Variants in EDN1 observed in about 807,000 individuals in gnomAD.
The protein encoded by EDN1 is endothelin-1.
Under a neutral mutation model 21.7 loss-of-function variants are expected in EDN1, and 11 were observed. That is an observed-to-expected ratio of 0.51 (90% CI 0.32 to 0.84). EDN1 has a LOEUF of 0.84. Among genes scored for constraint, EDN1 ranks in the 40% least tolerant of loss-of-function variants. The probability of loss-of-function intolerance (pLI) is 0.03; values close to 1 mark genes in which losing one functional copy is unlikely to be tolerated. For missense variants in EDN1, 244 were observed against 262.3 expected, an observed-to-expected ratio of 0.93 and a Z score of 0.48; for synonymous variants, 85 against 90.6, an observed-to-expected ratio of 0.94 and a Z score of 0.35.
chr6:12,251,511 C>A, the EDN1 span, among the ~76,000 whole-genome samples: 1 of 152,172 alleles, frequency 6.6e-6, no homozygotes, highest in East Asian at 1.9e-4. Flanking sequence ...GATAGAAGTG[C>A]ATTTTATATT....
chr6:12,295,271 T>C (rs1424125558), intron 4 of EDN1, among the ~76,000 whole-genome samples: 3 of 152,156 alleles, frequency 2.0e-5, no homozygotes, highest in African/African-American at 4.8e-5. Context: ...TTCTGAGTTA[T>C]TTACTACTGA....
At chr6:12,274,275 A>G in the EDN1 span, among the ~76,000 whole-genome samples, 6 of 152,224 alleles carry the variant, frequency 3.9e-5, no homozygotes. Context: ...TAAGGCAATT[A>G]GCAACTTAAG....
chr6:12,295,190 C>G (rs141949951), intron 4 of EDN1, among the ~76,000 whole-genome samples: 2 of 152,146 alleles, frequency 1.3e-5, no homozygotes, highest in Admixed American at 1.3e-4. Flanking sequence ...GGAAACTTCT[C>G]TTAGAAATCC....
At chr6:12,286,086 T>C (rs1391787409), upstream of EDN1, among the ~76,000 whole-genome samples, 2 of 152,146 alleles carry the variant, frequency 1.3e-5, no homozygotes, top group Non-Finnish European at 2.9e-5. Flanking sequence ...AAAAGGAAAA[T>C]ATTAAGTAAA....
chr6:12,282,706 T>C, the EDN1 span, among the ~76,000 whole-genome samples: 2 of 152,216 alleles, frequency 1.3e-5, no homozygotes, highest in African/African-American at 4.8e-5. Context: ...AAATGAAGTA[T>C]ATTCCTTCAT....
chr6:12,271,142 A>G, the EDN1 span, among the ~76,000 whole-genome samples: 197 of 152,120 alleles, frequency 1.3e-3, 1 homozygote, highest in Non-Finnish European at 2.4e-3. Context: ...GCCACTTTAT[A>G]TACTTTAATT....
the EDN1 span, among the ~76,000 whole-genome samples, chr6:12,261,268 A>C: frequency 6.6e-6 from 1 of 152,210 alleles, no homozygotes; most frequent in East Asian, 1.9e-4. Flanking sequence ...ACTGAAGTAT[A>C]ATAAGAGAAC....
chr6:12,240,921 G>C, the EDN1 span, among the ~76,000 whole-genome samples: 1 of 152,108 alleles, frequency 6.6e-6, no homozygotes, highest in African/African-American at 2.4e-5. Context: ...TGTTGATCCT[G>C]CTGTGTGCTG....
chr6:12,294,989 C>G (rs1228932916), intron 4 of EDN1, among the ~76,000 whole-genome samples: 3 of 127,284 alleles, frequency 2.4e-5, no homozygotes, highest in Non-Finnish European at 4.7e-5. Flanking sequence ...CCAAAAAGCT[C>G]TCTCTTTTCC....
At chr6:12,279,264 T>TC in the EDN1 span, among the ~76,000 whole-genome samples, 1 of 152,222 alleles carries the variant, frequency 6.6e-6, no homozygotes, top group Non-Finnish European at 1.5e-5. Flanking sequence ...GTGTTCTTTT[T>TC]CCCACAATAT....
At chr6:12,250,952 C>CA in the EDN1 span, among the ~76,000 whole-genome samples, 1 of 152,180 alleles carries the variant, frequency 6.6e-6, no homozygotes, top group South Asian at 2.1e-4. Context: ...TCAAATCCAA[C>CA]AAGTCATTTC....
chr6:12,284,640 AAG>A, the EDN1 span, among the ~76,000 whole-genome samples: 2,373 of 151,168 alleles, frequency 0.016, 63 homozygotes, highest in Non-Finnish European at 0.018. Flanking sequence ...AAAGGAAAGA[AAG>A]AAAAAGAAAG....
At chr6:12,286,550 C>A (rs936943706), upstream of EDN1, among the ~76,000 whole-genome samples, 1 of 152,180 alleles carries the variant, frequency 6.6e-6, no homozygotes, top group African/African-American at 2.4e-5. Context: ...GTGTGATTTT[C>A]AAGCAACTTA....
chr6:12,283,751 A>G, the EDN1 span, among the ~76,000 whole-genome samples: 1 of 152,172 alleles, frequency 6.6e-6, no homozygotes, highest in Non-Finnish European at 1.5e-5. Flanking sequence ...TTGTCTACAT[A>G]CTCTCTTTCT....
chr6:12,265,821 G>T, the EDN1 span, among the ~76,000 whole-genome samples: 1 of 152,252 alleles, frequency 6.6e-6, no homozygotes, highest in Non-Finnish European at 1.5e-5. Flanking sequence ...GGAGAGAGGA[G>T]AAAATAAATT....
rs1371353155 is a variant in EDN1 at position 12,296,971 on chromosome 6, C to T, written c.*904C>T. The T allele has an allele frequency of 6.6e-6, 1 of 152,004 alleles. No individual in the cohort carries two copies. Among genetic ancestry groups the T allele is most frequent in the Non-Finnish European group, 1.5e-5 (1 of 68,008 alleles). The allele number at this position is 152,004 out of a possible 1,614,324, so 9.4% of individuals were successfully genotyped here. On this transcript the variant is annotated 3_prime_UTR_variant, in exon 5 of 5. Coordinates refer to ENST00000379375, the MANE Select transcript of EDN1 (RefSeq NM_001955.5). ...AAATTATTTTCCTTTATATAACCGG[C>T]TAATGAAAGAGGTTGGATTGAATTT...
the EDN1 span, among the ~76,000 whole-genome samples, chr6:12,233,291 C>A: frequency 3.3e-5 from 5 of 152,304 alleles, no homozygotes; most frequent in East Asian, 9.6e-4. Context: ...CTCTTAGCAT[C>A]CCCTAAAGCC....
At chr6:12,235,854 G>A in the EDN1 span, among the ~76,000 whole-genome samples, 2 of 152,184 alleles carry the variant, frequency 1.3e-5, no homozygotes, top group East Asian at 1.9e-4. Context: ...AGTGACTGGT[G>A]TCTACCATAT....
At chr6:12,281,475 T>TA in the EDN1 span, among the ~76,000 whole-genome samples, 3 of 152,266 alleles carry the variant, frequency 2.0e-5, no homozygotes, top group African/African-American at 7.2e-5. Context: ...CATCTTGAGA[T>TA]AAGTGGCACA....
Sources: allele counts gnomAD v4.1 joint callset (sites outside exome capture counted in the v4.1 genomes callset), GRCh38; gene constraint gnomAD v4.1.1; transcripts MANE v1.5; gene names NCBI Gene and HGNC (gene_info 2026-07-23, HGNC 2026-07-21).